Variants in FAM178B observed in about 807,000 individuals in gnomAD.
The protein encoded by FAM178B is protein FAM178B.
In FAM178B, 82 loss-of-function variants were observed where a neutral mutation model predicts 91.7. The observed-to-expected ratio is 0.89, with a 90% CI of 0.75 to 1.07. FAM178B has a LOEUF of 1.07. Among genes scored for constraint, FAM178B ranks in the 50% least tolerant of loss-of-function variants. The pLI, the probability that FAM178B is intolerant of heterozygous loss-of-function variation, is 0.00. For synonymous variants in FAM178B, 368 were observed against 359.4 expected (o/e 1.02, Z -0.27); for missense variants, 769 against 846.7 (o/e 0.91, Z 1.14).
chr2:96,937,259 C>T (rs145687424), intron 8 of FAM178B, among the ~76,000 whole-genome samples: 1 of 136,080 alleles, frequency 7.3e-6, no homozygotes, highest in Non-Finnish European at 1.5e-5. Flanking sequence ...GCCCTACCCC[C>T]CAGCAATTGT....
chr2:96,951,350 C>T (rs1364326422), intron 7 of FAM178B, 29 bp downstream of exon 7: 19 of 1,513,684 alleles, frequency 1.3e-5, no homozygotes, highest in Non-Finnish European at 1.6e-5. Context: ...AGCGCTCCCG[C>T]CACCTAGTGG....
At chr2:96,977,956 A>AGGGGGGGGGGGGGGGGGGGGGGG in intron 1 of FAM178B, 7 of 349,154 alleles carry the variant, frequency 2.0e-5, no homozygotes, top group South Asian at 5.6e-5. Flanking sequence ...CGGGCGGGGG[A>AGGGGGGGGGGGGGGGGGGGGGGG]GGGGGGCGAC....
intron 8 of FAM178B, among the ~76,000 whole-genome samples, chr2:96,943,898 T>A (rs2081775862): frequency 6.6e-6 from 1 of 151,980 alleles, no homozygotes; most frequent in South Asian, 2.1e-4. Context: ...CGCGGTGGTT[T>A]TTTCTTGTTG....
rs374164408 is a variant in FAM178B at position 96,908,684 on chromosome 2, A to G, written c.1563-5977T>C. On this transcript the variant is annotated intron_variant, in intron 12 of 16. Coordinates refer to ENST00000490605, the MANE Select transcript of FAM178B (RefSeq NM_001122646.3). Reference sequence around the variant, plus strand: ...ATTCTGTCCCATGGTCAGGTGGTACATGGATGATCTCTTTTGCAAAGGGCA... The same window carrying G: ...ATTCTGTCCCATGGTCAGGTGGTACGTGGATGATCTCTTTTGCAAAGGGCA... Among the ~76,000 whole-genome samples the G allele has an allele frequency of 1.3e-3, 201 of 152,348 alleles. 1 individual carries two copies. The highest frequency in any genetic ancestry group is 4.6e-3 in the African/African-American group (191 of 41,578).
At chr2:96,960,628 A>T (rs571776606) in intron 5 of FAM178B, among the ~76,000 whole-genome samples, 188 bp from the exon 6 acceptor site, 3 of 152,328 alleles carry the variant, frequency 2.0e-5, no homozygotes, top group African/African-American at 7.2e-5. Context: ...GGAGCCCTTC[A>T]GTCTCCCATC....
At chr2:96,891,279 A>C (rs973066736) in intron 14 of FAM178B, among the ~76,000 whole-genome samples, 1 of 152,212 alleles carries the variant, frequency 6.6e-6, no homozygotes. Flanking sequence ...TGGTTCTGCC[A>C]CATGCAGGTA....
rs761225362 is a variant in FAM178B at position 96,972,577 on chromosome 2, C to T, written c.103G>A (p.Gly35Arg). The T allele has an allele frequency of 5.8e-6, 9 of 1,551,658 alleles. No individual in the cohort carries two copies. In the South Asian group the frequency reaches 1.1e-4, roughly 18 times the overall value. The part of the protein sequence containing the change: ...GQMSHGLQMA[G>R]PQETVLALPL... ...AGGGCTAGCACCGTCTCCTGGGGCC[C>T]AGCCATCTGCAAGCCGTGGGACATC... Residue 35 changes from glycine (G) to arginine (R), a missense_variant, in exon 2 of 17, where the codon GGG becomes AGG. Transcript: ENST00000490605.
At chr2:96,876,632 T>C (rs1344321327) in intron 16 of FAM178B, among the ~76,000 whole-genome samples, 1 of 152,158 alleles carries the variant, frequency 6.6e-6, no homozygotes, top group Non-Finnish European at 1.5e-5. Context: ...TCCAGCCTTC[T>C]CAGAGACTTG....
At chr2:96,918,985 C>T (rs185381221) in intron 12 of FAM178B, among the ~76,000 whole-genome samples, 28 of 152,330 alleles carry the variant, frequency 1.8e-4, no homozygotes, top group South Asian at 8.3e-4. Flanking sequence ...CACGCGGGCT[C>T]TCTTAGAGTT....
intron 12 of FAM178B, among the ~76,000 whole-genome samples, chr2:96,911,084 T>C (rs191850353): frequency 6.6e-6 from 1 of 152,102 alleles, no homozygotes; most frequent in East Asian, 1.9e-4. Context: ...TCTTTTTTTT[T>C]AAGTTCTACC....
At chr2:96,886,425 A>G (rs1237234113) in intron 14 of FAM178B, among the ~76,000 whole-genome samples, 3 of 152,292 alleles carry the variant, frequency 2.0e-5, no homozygotes, top group Middle Eastern at 3.4e-3. Context: ...AGACCCAGGT[A>G]GAGTGTTAGG....
At chr2:96,876,750 G>A (rs1479224334) in intron 16 of FAM178B, among the ~76,000 whole-genome samples, 2 of 152,070 alleles carry the variant, frequency 1.3e-5, no homozygotes, top group African/African-American at 4.8e-5. Context: ...GCTAGGAGAG[G>A]AGGGGCACTG....
At chr2:96,958,228 C>T (rs548313678) in intron 6 of FAM178B, among the ~76,000 whole-genome samples, 1 of 152,190 alleles carries the variant, frequency 6.6e-6, no homozygotes, top group East Asian at 1.9e-4. Context: ...CGCTACCACG[C>T]CCAGCTAATT....
At position 96,876,426 on chromosome 2, in the gene FAM178B, C is replaced by T. The variant is rs543151045; in HGVS notation, c.2008-118G>A. On this transcript the variant is annotated intron_variant, in intron 16 of 16. Transcript: ENST00000490605. Reference sequence around the variant, plus strand: ...CCCATCGCAGGCTCATGCCAGGGGCCGAGTGAGCAGGATGCCTGGGTTCAC... The same window carrying T: ...CCCATCGCAGGCTCATGCCAGGGGCTGAGTGAGCAGGATGCCTGGGTTCAC... The T allele has an allele frequency of 1.5e-4, 196 of 1,297,734 alleles. No homozygotes were observed. In the East Asian group the frequency reaches 2.5e-3, roughly 16 times the overall value. The allele number at this position is 1,297,734 out of a possible 1,614,324, so 80.4% of individuals were successfully genotyped here. A position where few individuals can be genotyped will look rare whatever the true frequency, so the allele number is the denominator to read the frequency against.
In FAM178B at chr2:96,951,452, C is replaced by A. The variant is rs1470071746; in HGVS notation, c.920G>T (p.Arg307Leu). 3 of 1,551,396 alleles carry A rather than the reference C, an allele frequency of 1.9e-6. No individual in the cohort carries two copies. The highest frequency in any genetic ancestry group is 2.6e-6 in the Non-Finnish European group (3 of 1,146,922). ...GTAGAGGATGTTCAGGAGGCCACTG[C>A]GCAGGAAGGAGAGCTGTTGGGCTGG... is the stretch of plus-strand genomic sequence containing the variant. ...SPPAQQLSFL[R>L]SGLLNILYLH... Residue 307 changes from arginine (R) to leucine (L), a missense_variant, in exon 7 of 17, where the codon CGC becomes CTC. By Grantham distance (102) the Arg-to-Leu change is moderately radical. Transcript: ENST00000490605.
At chr2:96,948,264 G>A (rs1054470215) in intron 7 of FAM178B, among the ~76,000 whole-genome samples, 7 of 152,236 alleles carry the variant, frequency 4.6e-5, no homozygotes, top group South Asian at 2.1e-4. Context: ...AGGGCCCAGC[G>A]TAAGGGGAGA....
At position 96,947,086 on chromosome 2, in the gene FAM178B, G is replaced by A. The variant is rs1001422499; in HGVS notation, c.1078+732C>T. 3.9e-5 allele frequency among the ~76,000 whole-genome samples: 6 copies of A among 152,194 alleles called. No homozygotes were observed. The East Asian group carries it at 9.6e-4, about 24-fold the overall frequency. On this transcript the variant is annotated intron_variant, in intron 8 of 16. Coordinates refer to ENST00000490605, the MANE Select transcript of FAM178B (RefSeq NM_001122646.3). ...AGAGGCGGGGTCTGACCACCTGGGA[G>A]TCCCTCTTACTGTCTGCTTAAGCAA...
chr2:96,926,595 C>T (rs140696883), intron 9 of FAM178B, among the ~76,000 whole-genome samples: 2 of 152,292 alleles, frequency 1.3e-5, no homozygotes, highest in East Asian at 1.9e-4. Flanking sequence ...TTCATATCCA[C>T]GCTCCATCCT....
intron 4 of FAM178B, among the ~76,000 whole-genome samples, chr2:96,969,957 A>C (rs376905924): frequency 6.6e-6 from 1 of 152,250 alleles, no homozygotes; most frequent in Admixed American, 6.5e-5. Flanking sequence ...CCAGGGTGGC[A>C]TCGCCCCCGC....
Sources: allele counts gnomAD v4.1 joint callset (sites outside exome capture counted in the v4.1 genomes callset), GRCh38; gene constraint gnomAD v4.1.1; transcripts MANE v1.5; gene names NCBI Gene and HGNC (gene_info 2026-07-23, HGNC 2026-07-21).